The following MICU1 variants were observed in gnomAD, a reference collection of about 807,000 sequenced individuals.
The protein encoded by MICU1 is calcium uptake protein 1, mitochondrial.
In MICU1, 45 loss-of-function variants were observed where a neutral mutation model predicts 56.8. The ratio of observed to expected loss-of-function variants is 0.79; its 90% confidence interval spans 0.62 to 1.02. MICU1 has a LOEUF of 1.02. MICU1 is among the 50% of genes least tolerant of loss of function. The pLI, the probability that MICU1 is intolerant of heterozygous loss-of-function variation, is 0.00. For synonymous variants in MICU1, 186 were observed against 195.1 expected (o/e 0.95, Z 0.39); for missense variants, 504 against 587.1 (o/e 0.86, Z 1.46).
intron 2 of MICU1, among the ~76,000 whole-genome samples, chr10:72,563,735 T>A (rs1428873095): frequency 6.6e-6 from 1 of 152,186 alleles, no homozygotes; most frequent in East Asian, 1.9e-4. Context: ...CATCCACACG[T>A]CTTCCCATTG....
intron 6 of MICU1, among the ~76,000 whole-genome samples, chr10:72,503,195 G>A (rs554813461): frequency 3.3e-5 from 5 of 152,274 alleles, no homozygotes; most frequent in Admixed American, 2.0e-4. Context: ...GAGTCTCAGC[G>A]GGAGAGGAAG....
At position 72,398,204 on chromosome 10, in the gene MICU1, A is replaced by G. The variant is rs374520328; in HGVS notation, c.1180+9725T>C. On this transcript the variant is annotated intron_variant, in intron 10 of 11. Transcript: ENST00000361114. Reference sequence around the variant, plus strand: ...CCTGAATGACTACTGGGTAAATAACAAAATGAAGGCAGAAATAAAGATGTT... The same window carrying G: ...CCTGAATGACTACTGGGTAAATAACGAAATGAAGGCAGAAATAAAGATGTT... 1.8e-4 allele frequency among the ~76,000 whole-genome samples: 28 copies of G among 152,162 alleles called. No homozygotes were observed. The East Asian group carries it at 2.3e-3, about 13-fold the overall frequency.
At chr10:72,482,516 G>A (rs978912416) in intron 6 of MICU1, among the ~76,000 whole-genome samples, 5 of 152,082 alleles carry the variant, frequency 3.3e-5, no homozygotes, top group African/African-American at 1.2e-4. Flanking sequence ...TGATCACACA[G>A]CCTCTGATTA....
chr10:72,554,442 T>C (rs1407914087), intron 3 of MICU1, among the ~76,000 whole-genome samples: 3 of 152,064 alleles, frequency 2.0e-5, no homozygotes, highest in Non-Finnish European at 2.9e-5. Flanking sequence ...TTAGGTAATA[T>C]AGAGAAAAGA....
At chr10:72,549,754 G>A (rs967170257) in intron 4 of MICU1, among the ~76,000 whole-genome samples, 2 of 151,896 alleles carry the variant, frequency 1.3e-5, no homozygotes, top group Non-Finnish European at 1.5e-5. Context: ...AACATGGCCA[G>A]ACCCCATCTC....
At chr10:72,394,421 T>C (rs1307234837) in intron 10 of MICU1, among the ~76,000 whole-genome samples, 2 of 146,506 alleles carry the variant, frequency 1.4e-5, no homozygotes, top group South Asian at 2.2e-4. Flanking sequence ...AGGTCAGGAG[T>C]TCATAACCAG....
chr10:72,543,515 C>G (rs1839823643), intron 4 of MICU1, among the ~76,000 whole-genome samples: 1 of 151,476 alleles, frequency 6.6e-6, no homozygotes, highest in South Asian at 2.1e-4. Flanking sequence ...CTCAATCAAT[C>G]AAATCAATCC....
chr10:72,614,627 C>G (rs1323892073), intron 1 of MICU1, among the ~76,000 whole-genome samples: 1 of 152,114 alleles, frequency 6.6e-6, no homozygotes, highest in Non-Finnish European at 1.5e-5. Context: ...CATGGATGAA[C>G]CTGAAGGATA....
chr10:72,618,406 G>T (rs1038645977), intron 1 of MICU1, among the ~76,000 whole-genome samples: 4 of 151,962 alleles, frequency 2.6e-5, no homozygotes, highest in African/African-American at 9.7e-5. Flanking sequence ...GCTCCCAATG[G>T]CATTGCACTT....
At chr10:72,437,461 T>C (rs913195184) in intron 8 of MICU1, among the ~76,000 whole-genome samples, 12 of 152,246 alleles carry the variant, frequency 7.9e-5, no homozygotes, top group African/African-American at 1.7e-4. Flanking sequence ...GTAAAGACCA[T>C]TGATTAGCAT....
chr10:72,426,312 A>G (rs1276703008), intron 8 of MICU1, among the ~76,000 whole-genome samples: 2 of 152,014 alleles, frequency 1.3e-5, no homozygotes, highest in Non-Finnish European at 2.9e-5. Flanking sequence ...GAGCCACTGC[A>G]CCTGGCCCAA....
intron 6 of MICU1, among the ~76,000 whole-genome samples, chr10:72,496,405 G>A (rs1438319734): frequency 6.6e-6 from 1 of 150,900 alleles, no homozygotes; most frequent in African/African-American, 2.4e-5. Context: ...GGGTTCAAGC[G>A]ATTCTCCTGC....
intron 8 of MICU1, among the ~76,000 whole-genome samples, chr10:72,468,546 A>G (rs982682168): frequency 6.6e-6 from 1 of 151,708 alleles, no homozygotes; most frequent in Non-Finnish European, 1.5e-5. Context: ...TTAAAAACCA[A>G]CCTTATATTC....
Position 72,469,390 on chromosome 10 carries a change from G to C in MICU1, c.933+5710C>G, listed in dbSNP as rs189611707. Among the ~76,000 whole-genome samples, 4 of 152,242 alleles carry C rather than the reference G, an allele frequency of 2.6e-5. No homozygotes were observed. In the East Asian group the frequency reaches 5.8e-4, roughly 22 times the overall value. On this transcript the variant is annotated intron_variant, in intron 8 of 11. Transcript: ENST00000361114. Reference sequence around the variant, plus strand: ...GTGGAATTATAAAACCCATACAAAAGTTATTAAGATACTACTAATCTTTTC... The same window carrying C: ...GTGGAATTATAAAACCCATACAAAACTTATTAAGATACTACTAATCTTTTC...
chr10:72,597,024 T>TG (rs1270959556), intron 1 of MICU1, among the ~76,000 whole-genome samples: 1 of 151,940 alleles, frequency 6.6e-6, no homozygotes, highest in East Asian at 1.9e-4. Context: ...TAGGGGAAAT[T>TG]GGGGGGCGAG....
intron 11 of MICU1, among the ~76,000 whole-genome samples, chr10:72,375,449 A>T (rs1862485905): frequency 6.6e-6 from 1 of 152,182 alleles, no homozygotes; most frequent in South Asian, 2.1e-4. Context: ...CTTTCTAAAG[A>T]CACTCAGATA....
At chr10:72,614,315 A>G (rs1210295496) in intron 1 of MICU1, among the ~76,000 whole-genome samples, 1 of 152,206 alleles carries the variant, frequency 6.6e-6, no homozygotes, top group Non-Finnish European at 1.5e-5. Flanking sequence ...AAAGTATGGC[A>G]GCTCCTCAAA....
At chr10:72,421,017 AATAAT>A (rs1309490104) in intron 9 of MICU1, among the ~76,000 whole-genome samples, 8 of 73,104 alleles carry the variant, frequency 1.1e-4, no homozygotes, top group African/African-American at 2.8e-4. Context: ...AAAAAAAAAA[AATAAT>A]AATAATAATA....
chr10:72,368,999 T>C (rs2132024995), intron 11 of MICU1, among the ~76,000 whole-genome samples: 1 of 152,216 alleles, frequency 6.6e-6, no homozygotes, highest in African/African-American at 2.4e-5. Context: ...GGCAGGGAGC[T>C]GAGTGTGGTG....
Sources: gnomAD v4.1 joint callset for allele counts (sites outside exome capture counted in the v4.1 genomes callset) on GRCh38, gnomAD v4.1.1 for gene constraint, MANE v1.5 for transcripts, NCBI Gene and HGNC (gene_info 2026-07-23, HGNC 2026-07-21) for gene names.